CHD5: variants seen among roughly 807,000 people sequenced by gnomAD.
The protein encoded by CHD5 is chromodomain helicase DNA binding protein 5.
In CHD5, 69 loss-of-function variants were observed where a neutral mutation model predicts 230.3. The observed-to-expected ratio is 0.30, with a 90% confidence interval of 0.25 to 0.37. The LOEUF is 0.37. CHD5 is among the 10% of genes least tolerant of loss of function. CHD5 has a pLI of 1.00. For missense variants in CHD5, 1,827 were observed against 2,622.8 expected (o/e 0.70, Z 6.63); for synonymous variants, 1,064 against 1,065.9 (o/e 1.00, Z 0.03).
Position 6,122,303 on chromosome 1 carries a change from C to T in CHD5, c.4700-730G>A, listed in dbSNP as rs117344924. 9.8e-5 allele frequency among the ~76,000 whole-genome samples: 15 copies of T among 152,330 alleles called. No homozygotes were observed. In the East Asian group the frequency reaches 2.5e-3, roughly 25 times the overall value. Reference sequence around the variant, plus strand: ...AAATACCTAGATCACCAAAGTGACACGGGCACAAATGACCCAATTAAGTGT... The same window carrying T: ...AAATACCTAGATCACCAAAGTGACATGGGCACAAATGACCCAATTAAGTGT... On this transcript the variant is annotated intron_variant, in intron 31 of 41. Transcript: ENST00000262450.
At chr1:6,169,320 C>T (rs1018714032) in intron 1 of CHD5, among the ~76,000 whole-genome samples, 2 of 152,230 alleles carry the variant, frequency 1.3e-5, no homozygotes, top group East Asian at 3.9e-4. Flanking sequence ...CACAGAGAGA[C>T]GCCGTGCCCA....
chr1:6,136,528 T>C lies in CHD5; in HGVS notation c.2685A>G (p.Pro895=), dbSNP rs762296362. 3.2e-5 allele frequency: 51 copies of C among 1,613,756 alleles called. No individual in the cohort carries two copies. The highest frequency in any genetic ancestry group is 4.2e-5 in the Non-Finnish European group (50 of 1,180,018). ...TCCAGGTGACTCACTTGAACCTCTCTGGAGTCAGGAAGTTGAGGAGATGGA... is the reference window on the plus strand; with the variant it reads ...TCCAGGTGACTCACTTGAACCTCTCCGGAGTCAGGAAGTTGAGGAGATGGA... ...ELFHLLNFLT[P]ERFNNLEGFL... The change falls in exon 17 of 42, where the codon CCA becomes CCG. Residue 895 remains proline (P), a synonymous_variant. Transcript: ENST00000262450.
chr1:6,149,182 G>A, intron 8 of CHD5, 64 bp downstream of exon 8: 1 of 1,490,828 alleles, frequency 6.7e-7, no homozygotes, highest in Non-Finnish European at 9.0e-7. Context: ...CCCCAAATGA[G>A]GGCACAGGGG....
intron 20 of CHD5, among the ~76,000 whole-genome samples, chr1:6,132,422 C>T (rs975457617): frequency 2.0e-5 from 3 of 152,144 alleles, no homozygotes; most frequent in African/African-American, 4.8e-5. Context: ...AACGTGTCTA[C>T]GGGTTCATTT....
rs1420499968 is a variant in CHD5 at position 6,105,458 on chromosome 1, G to C, written c.*47-31C>G. 2 of 469,440 alleles carry C rather than the reference G, an allele frequency of 4.3e-6. No homozygotes were observed. Among genetic ancestry groups the C allele is most frequent in the Non-Finnish European group, 8.8e-6 (2 of 226,574 alleles). The allele number at this position is 469,440 out of a possible 1,614,324, so 29.1% of individuals were successfully genotyped here. A position where few individuals can be genotyped will look rare whatever the true frequency, so the allele number is the denominator to read the frequency against. On this transcript the variant is annotated intron_variant, in intron 41 of 41. Transcript: ENST00000262450. This position sits in a 1 kb window ranked among gnomAD's most constrained non-coding sequence, Gnocchi z 4.8. The stretch of plus-strand genomic sequence containing the variant: ...AAACGCAAATCAGTGGGTTAAGCAG[G>C]TGGGCAGTTATAGGGGGCATCAGGG...
intron 3 of CHD5, among the ~76,000 whole-genome samples, chr1:6,159,025 A>AG (rs1362230438): frequency 1.3e-5 from 2 of 149,778 alleles, no homozygotes; most frequent in East Asian, 3.9e-4. Flanking sequence ...AAAAAAAAAA[A>AG]AGAGATGGGG....
chr1:6,127,820 C>T (rs1335818023), intron 25 of CHD5, among the ~76,000 whole-genome samples: 1 of 152,222 alleles, frequency 6.6e-6, no homozygotes, highest in Non-Finnish European at 1.5e-5. Context: ...GGTGGAGCGA[C>T]AGGGCCGCCC....
intron 9 of CHD5, among the ~76,000 whole-genome samples, chr1:6,147,906 A>T (rs543470235): frequency 6.6e-6 from 1 of 152,134 alleles, no homozygotes; most frequent in South Asian, 2.1e-4. Context: ...GGGGGAGTGG[A>T]AGAGGGGACC....
chr1:6,164,217 A>G (rs2100878273), intron 2 of CHD5, among the ~76,000 whole-genome samples: 1 of 152,298 alleles, frequency 6.6e-6, no homozygotes, highest in South Asian at 2.1e-4. Flanking sequence ...TCTCCTAAAA[A>G]CGGAGACATT....
chr1:6,144,267 G>T, intron 11 of CHD5, 112 bp from the exon 12 acceptor site: 1 of 1,436,360 alleles, frequency 7.0e-7, no homozygotes, highest in Non-Finnish European at 9.6e-7. Context: ...CCCCTCGGAT[G>T]CTGGGCCCAG....
At chr1:6,170,463 T>TCCCACCCTTGCATCCCACGGGGCCA (rs1207662485) in intron 1 of CHD5, among the ~76,000 whole-genome samples, 1 of 151,408 alleles carries the variant, frequency 6.6e-6, no homozygotes, top group East Asian at 1.9e-4. Flanking sequence ...CGGACGCCCC[T>TCCCACCCTTGCATCCCACGGGGCCA]CCCACCCTTG....
chr1:6,108,663 A>C (rs1164441349), intron 38 of CHD5, among the ~76,000 whole-genome samples: 1 of 103,996 alleles, frequency 9.6e-6, no homozygotes. Flanking sequence ...ATGGAGGGAT[A>C]ATGGAAGGAT....
At chr1:6,138,754 T>A (rs975450824) in intron 15 of CHD5, among the ~76,000 whole-genome samples, 2 of 152,238 alleles carry the variant, frequency 1.3e-5, no homozygotes, top group Non-Finnish European at 2.9e-5. Flanking sequence ...CAGTTCCACT[T>A]CTGGGTGTAT....
chr1:6,106,838 G>T, intron 38 of CHD5, 59 bp from the exon 39 acceptor site: 1 of 1,088,006 alleles, frequency 9.2e-7, no homozygotes, highest in Non-Finnish European at 1.3e-6. Context: ...AGGGATGGAG[G>T]AGTGGAAGGA....
In CHD5 at chr1:6,134,016, G is replaced by A; in HGVS notation, c.3144+112C>T. ...GACACACAGTCACATGACCCACATG[G>A]GAACGGCACTGGGCCCTGAGGGGTG... On this transcript the variant is annotated intron_variant, in intron 20 of 41. Coordinates refer to ENST00000262450, the MANE Select transcript of CHD5 (RefSeq NM_015557.3). This position sits in a 1 kb window ranked among gnomAD's most constrained non-coding sequence, Gnocchi z 6.3. The A allele has an allele frequency of 1.8e-5, 19 of 1,040,294 alleles. No individual in the cohort carries two copies. The highest frequency in any genetic ancestry group is 2.9e-4 in the Middle Eastern group (1 of 3,414). 64.4% of individuals were successfully genotyped at this position (1,040,294 alleles called of 1,614,324 possible).
chr1:6,102,189 G>GAA lies in CHD5; in HGVS notation c.*3284_*3285insTT. 1 of 226,074 alleles carries GAA rather than the reference G, an allele frequency of 4.4e-6. No homozygotes were observed. Among genetic ancestry groups the GAA allele is most frequent in the Non-Finnish European group, 9.2e-6 (1 of 108,716 alleles). 14.0% of individuals were successfully genotyped at this position (226,074 alleles called of 1,614,324 possible). A position where few individuals can be genotyped will look rare whatever the true frequency, so the allele number is the denominator to read the frequency against. ...CTCCAATCGCTGCTTGAGGAGTTCA[G>GAA]GACACACACACACACCCAACGGGCC... On this transcript the variant is annotated 3_prime_UTR_variant, in exon 42 of 42. Transcript: ENST00000262450.
chr1:6,113,423 C>CAA, intron 33 of CHD5: 2 of 311,684 alleles, frequency 6.4e-6, no homozygotes, highest in South Asian at 2.6e-5. Flanking sequence ...GACGCTGTTT[C>CAA]AAAAAAAAAC....
Position 6,149,389 on chromosome 1 carries a change from T to A in CHD5, c.1018A>T (p.Thr340Ser). ...ACCTCACAGTAATCCTGGTGGTCTG[T>A]CTCATAGCCGTCACCATCATCAACT... ...KRIDDGDGYE[T>S]DHQDYCEVCQ... is the part of the protein sequence containing the mutation. Residue 340 changes from threonine to serine, a missense_variant, in exon 8 of 42, where the codon ACA becomes TCA. By Grantham distance (58) the Thr-to-Ser change is moderately conservative. This residue lies in a region of CHD5 where 657 missense variants were observed against 816.4 expected (regional missense o/e 0.80). Coordinates refer to ENST00000262450, the MANE Select transcript of CHD5 (RefSeq NM_015557.3). 2 of 1,611,258 alleles carry A rather than the reference T, an allele frequency of 1.2e-6. No homozygotes were observed. The highest frequency in any genetic ancestry group is 1.7e-6 in the Non-Finnish European group (2 of 1,178,300).
At chr1:6,151,306 C>T (rs1557555348) in intron 6 of CHD5, 151 bp from the exon 7 acceptor site, 3 of 910,508 alleles carry the variant, frequency 3.3e-6, no homozygotes, top group Non-Finnish European at 3.0e-6. Flanking sequence ...AGCTGAAAAC[C>T]TCACATTACA....
Sources: allele counts gnomAD v4.1 joint callset (sites outside exome capture counted in the v4.1 genomes callset), GRCh38; gene constraint gnomAD v4.1.1; regional missense constraint gnomAD v4.1.1; non-coding constraint Gnocchi (gnomAD v3.1); transcripts MANE v1.5; gene names NCBI Gene and HGNC (gene_info 2026-07-23, HGNC 2026-07-21).